The following RNF130 variants were observed in gnomAD, a reference collection of about 807,000 sequenced individuals.
RNF130 encodes E3 ubiquitin-protein ligase RNF130.
A neutral mutation model predicts 44.6 loss-of-function variants in RNF130; 21 were observed. That is an observed-to-expected ratio of 0.47 (90% CI 0.33 to 0.68). RNF130 has a LOEUF of 0.68. RNF130 is among the 30% of genes least tolerant of loss of function. The probability of loss-of-function intolerance (pLI) is 0.02; values close to 1 mark genes in which losing one functional copy is unlikely to be tolerated. For synonymous variants in RNF130, 214 were observed against 210.4 expected, an observed-to-expected ratio of 1.02 and a Z score of -0.15; for missense variants, 479 against 560.6, an observed-to-expected ratio of 0.85 and a Z score of 1.47.
chr5:180,063,580 G>A (rs1026080565), intron 1 of RNF130, among the ~76,000 whole-genome samples: 7 of 152,186 alleles, frequency 4.6e-5, no homozygotes, highest in African/African-American at 1.7e-4. Context: ...GAGAGGCCTA[G>A]GCTAAAAATC....
At position 180,051,959 on chromosome 5, in the gene RNF130, CA is replaced by C. The variant is rs199916750; in HGVS notation, c.248-11313del. Among the ~76,000 whole-genome samples the C allele has an allele frequency of 1.0e-3, 158 of 152,298 alleles. 2 individuals are homozygous for C. In the East Asian group the frequency reaches 0.027, roughly 26 times the overall value. On this transcript the variant is annotated intron_variant, in intron 1 of 8. Transcript: ENST00000521389. ...CTCATACAAAGTTGGTGTCACAGTG[CA>C]ATATAAGTGTTAATTGTTTATCCAC... is the stretch of plus-strand genomic sequence containing the variant.
chr5:179,969,552 C>T (rs529351235), intron 6 of RNF130, among the ~76,000 whole-genome samples: 4 of 152,150 alleles, frequency 2.6e-5, no homozygotes, highest in East Asian at 3.9e-4. Context: ...CCATACTCAT[C>T]GACCAACAGA....
intron 1 of RNF130, among the ~76,000 whole-genome samples, chr5:180,042,029 C>T (rs1389877216): frequency 6.6e-6 from 1 of 152,150 alleles, no homozygotes; most frequent in Admixed American, 6.5e-5. Context: ...GGTGATAGAA[C>T]AAGACCTTGT....
rs192750711 is a variant in RNF130, at chr5:179,957,679, G to A, written c.1245-2010C>T. Among the ~76,000 whole-genome samples the A allele has an allele frequency of 2.6e-5, 4 of 152,148 alleles. No homozygotes were observed. In the East Asian group the frequency reaches 5.8e-4, roughly 22 times the overall value. ...TCCCTTCAGAGTCACTCAATCCCTCGAAGCCCTACTTTATTCTTTTGTGTA... is the reference window on the plus strand; with the variant it reads ...TCCCTTCAGAGTCACTCAATCCCTCAAAGCCCTACTTTATTCTTTTGTGTA... On this transcript the variant is annotated intron_variant, in intron 8 of 8. Transcript: ENST00000521389.
rs765950164 is a variant in RNF130 at position 179,978,292 on chromosome 5, T to C, written c.766-7A>G. On this transcript the variant is annotated splice_region_variant and splice_polypyrimidine_tract_variant and intron_variant, in intron 4 of 8. Transcript: ENST00000521389. ...CAAAGTCTGGGTCAGTTTCCTAAAA[T>C]GAAAAGTACAGAAACAAAAAGTCAC... 1.2e-6 allele frequency: 2 copies of C among 1,607,524 alleles called. No homozygotes were observed. Among genetic ancestry groups the C allele is most frequent in the East Asian group, 2.2e-5 (1 of 44,862 alleles).
chr5:180,050,963 C>A (rs1410920322), intron 1 of RNF130, among the ~76,000 whole-genome samples: 1 of 152,026 alleles, frequency 6.6e-6, no homozygotes, highest in Non-Finnish European at 1.5e-5. Context: ...ACCACCATGC[C>A]TGGCTAATTT....
chr5:179,967,057 C>T, intron 6 of RNF130, 47 bp from the exon 7 acceptor site: 2 of 1,510,072 alleles, frequency 1.3e-6, no homozygotes, highest in Non-Finnish European at 9.2e-7. Context: ...AAAACACAAC[C>T]TTTCATAAGA....
At chr5:180,033,706 AAAGAG>A (rs1367345986) in intron 2 of RNF130, among the ~76,000 whole-genome samples, 72 of 152,190 alleles carry the variant, frequency 4.7e-4, no homozygotes, top group Admixed American at 9.2e-4. Flanking sequence ...TAAAAAAAAA[AAAGAG>A]AGAGAGAGAG....
At position 180,059,160 on chromosome 5, in the gene RNF130, T is replaced by C. The variant is rs560437782; in HGVS notation, c.247+12296A>G. Among the ~76,000 whole-genome samples, 7 of 152,284 alleles carry C rather than the reference T, an allele frequency of 4.6e-5. No individual in the cohort carries two copies. In the East Asian group the frequency reaches 1.4e-3, roughly 29 times the overall value. On this transcript the variant is annotated intron_variant, in intron 1 of 8. Coordinates refer to ENST00000521389, the MANE Select transcript of RNF130 (RefSeq NM_018434.6). ...CAAATTCCACAAGTACATCACAGTT[T>C]TTGCACCTTTTAGTCTTCGTGTATA...
chr5:179,979,888 G>A (rs771727063), intron 4 of RNF130, among the ~76,000 whole-genome samples: 1 of 152,148 alleles, frequency 6.6e-6, no homozygotes, highest in Non-Finnish European at 1.5e-5. Flanking sequence ...GCTTTTTAAC[G>A]CACAAATGGT....
chr5:179,979,244 C>T (rs114903157), intron 4 of RNF130, among the ~76,000 whole-genome samples: 2,296 of 151,604 alleles, frequency 0.015, 63 homozygotes, highest in African/African-American at 0.052. Flanking sequence ...CTTCTATTTT[C>T]TTAAGTGATT....
intron 3 of RNF130, among the ~76,000 whole-genome samples, chr5:180,010,987 A>T (rs1417106140): frequency 6.6e-6 from 1 of 152,210 alleles, no homozygotes; most frequent in African/African-American, 2.4e-5. Context: ...GATACTGACC[A>T]CAGTTATACA....
At chr5:179,927,403 T>TCG (rs570201369) in intron 7 of RNF130, among the ~76,000 whole-genome samples, 121 of 152,216 alleles carry the variant, frequency 7.9e-4, no homozygotes, top group African/African-American at 2.8e-3. Context: ...TGTGCACAAA[T>TCG]CATAAGTATC....
At chr5:179,987,794 T>A (rs997932134) in intron 3 of RNF130, among the ~76,000 whole-genome samples, 3 of 152,246 alleles carry the variant, frequency 2.0e-5, no homozygotes, top group Non-Finnish European at 2.9e-5. Flanking sequence ...TGCCAAAACA[T>A]CCTTCTATCC....
At chr5:180,056,515 C>T (rs1764828177) in intron 1 of RNF130, among the ~76,000 whole-genome samples, 1 of 152,128 alleles carries the variant, frequency 6.6e-6, no homozygotes, top group Non-Finnish European at 1.5e-5. Context: ...GGAAATGCCT[C>T]AGTTTCTGGC....
At chr5:180,027,629 T>C (rs966294791) in intron 2 of RNF130, among the ~76,000 whole-genome samples, 40 of 152,104 alleles carry the variant, frequency 2.6e-4, no homozygotes, top group Non-Finnish European at 4.4e-4. Flanking sequence ...GTCCCTCTCA[T>C]CCTGAGCACC....
At chr5:180,004,932 AT>A (rs942830261) in intron 3 of RNF130, among the ~76,000 whole-genome samples, 22 of 150,298 alleles carry the variant, frequency 1.5e-4, no homozygotes, top group Admixed American at 4.6e-4. Flanking sequence ...ATTTTTTCCC[AT>A]TTTTTTTTCT....
intron 2 of RNF130, among the ~76,000 whole-genome samples, chr5:180,040,146 G>A (rs911638259): frequency 6.6e-6 from 1 of 152,164 alleles, no homozygotes; most frequent in African/African-American, 2.4e-5. Flanking sequence ...TAACCTGGGC[G>A]AATGATTCCA....
chr5:179,912,705 A>G (rs145688097), exon 8 of RNF130: 130 of 152,396 alleles, frequency 8.5e-4, no homozygotes, highest in African/African-American at 3.1e-3. Flanking sequence ...AGAAATGGCC[A>G]GGACGGTATA....
Sources: gnomAD v4.1 joint callset for allele counts (sites outside exome capture counted in the v4.1 genomes callset) on GRCh38, gnomAD v4.1.1 for gene constraint, MANE v1.5 for transcripts, NCBI Gene and HGNC (gene_info 2026-07-23, HGNC 2026-07-21) for gene names.